CHST12: variants seen among roughly 807,000 people sequenced by gnomAD.
CHST12 encodes carbohydrate (chondroitin 4) sulfotransferase 12.
In CHST12, 23 loss-of-function variants were observed where a neutral mutation model predicts 27.9. That is an observed-to-expected ratio of 0.82 (90% CI 0.59 to 1.17). The LOEUF (loss-of-function observed/expected upper bound fraction) is 1.17. Among genes scored for constraint, CHST12 ranks in the 50% most tolerant of loss-of-function variants. The probability of loss-of-function intolerance (pLI) is 0.00; values close to 1 mark genes in which losing one functional copy is unlikely to be tolerated. For synonymous variants in CHST12, 322 were observed against 273.0 expected (o/e 1.18, Z -1.77); for missense variants, 682 against 603.0 (o/e 1.13, Z -1.37).
chr7:2,422,826 G>A (rs974200820), intron 1 of CHST12, among the ~76,000 whole-genome samples: 2 of 151,148 alleles, frequency 1.3e-5, no homozygotes, highest in African/African-American at 2.4e-5. Flanking sequence ...GAGCCACTGC[G>A]TGCAGCCCTG....
At chr7:2,423,977 G>A (rs886754457) in intron 1 of CHST12, among the ~76,000 whole-genome samples, 1 of 152,148 alleles carries the variant, frequency 6.6e-6, no homozygotes, top group African/African-American at 2.4e-5. Context: ...TGAGGTGCCT[G>A]GGAGGTCGAG....
At position 2,438,676 on chromosome 7, in the gene CHST12, G is replaced by A. The variant is rs1391702591; in HGVS notation, c.*4792G>A. On this transcript the variant is annotated 3_prime_UTR_variant, in exon 2 of 2. Transcript: ENST00000618655. ...AAGTCTTTAAACGTTTCTCCCGAGTGTTGGAGTGACTGTTTGCACACATCT... is the reference window on the plus strand; with the variant it reads ...AAGTCTTTAAACGTTTCTCCCGAGTATTGGAGTGACTGTTTGCACACATCT... 6.6e-6 allele frequency: 1 copy of A among 152,252 alleles called. No individual in the cohort carries two copies. Among genetic ancestry groups the A allele is most frequent in the African/African-American group, 2.4e-5 (1 of 41,464 alleles). 9.4% of individuals were successfully genotyped at this position (152,252 alleles called of 1,614,324 possible).
intron 1 of CHST12, among the ~76,000 whole-genome samples, chr7:2,408,747 C>T (rs1217626378): frequency 1.3e-5 from 2 of 152,138 alleles, no homozygotes; most frequent in African/African-American, 4.8e-5. Flanking sequence ...TGTAGTCTCC[C>T]CAGATGAGGC....
chr7:2,405,560 C>G (rs575101558), intron 1 of CHST12, among the ~76,000 whole-genome samples: 2 of 151,950 alleles, frequency 1.3e-5, no homozygotes, highest in South Asian at 2.1e-4. Context: ...GAAAAGTGGT[C>G]GTGGTGAGAA....
intron 1 of CHST12, among the ~76,000 whole-genome samples, chr7:2,417,324 A>G (rs1781837141): frequency 6.6e-6 from 1 of 150,594 alleles, no homozygotes; most frequent in South Asian, 2.1e-4. Context: ...TCCTGGGTTC[A>G]AGCAATTCTC....
At chr7:2,431,463 T>C (rs1274272352) in intron 1 of CHST12, among the ~76,000 whole-genome samples, 1 of 152,214 alleles carries the variant, frequency 6.6e-6, no homozygotes, top group Non-Finnish European at 1.5e-5. Context: ...GTTCAGCTCC[T>C]ACTGGGCCCT....
At chr7:2,406,052 A>C (rs1412245672) in intron 1 of CHST12, among the ~76,000 whole-genome samples, 5 of 152,146 alleles carry the variant, frequency 3.3e-5, no homozygotes, top group Admixed American at 6.5e-5. Context: ...AGGAGCCATC[A>C]GTGGGAAAAG....
At position 2,434,096 on chromosome 7, in the gene CHST12, T is replaced by G; in HGVS notation, c.*212T>G. Reference sequence around the variant, plus strand: ...GAATGCTGGAGTAAAATATCCCCTCTCCCCTCCGCCCGCCCACCCGCCCGC... The same window carrying G: ...GAATGCTGGAGTAAAATATCCCCTCGCCCCTCCGCCCGCCCACCCGCCCGC... On this transcript the variant is annotated 3_prime_UTR_variant, in exon 2 of 2. Coordinates refer to ENST00000618655, the MANE Select transcript of CHST12 (RefSeq NM_018641.5). 7.4e-6 allele frequency: 3 copies of G among 407,378 alleles called. No homozygotes were observed. The highest frequency in any genetic ancestry group is 7.0e-4 in the Middle Eastern group (1 of 1,422). 25.2% of individuals were successfully genotyped at this position (407,378 alleles called of 1,614,324 possible).
intron 1 of CHST12, among the ~76,000 whole-genome samples, chr7:2,424,860 A>C (rs1187837789): frequency 2.6e-5 from 4 of 152,180 alleles, no homozygotes; most frequent in Non-Finnish European, 5.9e-5. Flanking sequence ...AGAGCCTGCT[A>C]GAGCCTGTTG....
rs563249902 is a variant in CHST12, at chr7:2,443,481, G to A, written c.*9597G>A. 1 of 152,214 alleles carries A rather than the reference G, an allele frequency of 6.6e-6. No individual in the cohort carries two copies. The highest frequency in any genetic ancestry group is 6.5e-5 in the Admixed American group (1 of 15,286). 9.4% of individuals were successfully genotyped at this position (152,214 alleles called of 1,614,324 possible). On this transcript the variant is annotated 3_prime_UTR_variant, in exon 2 of 2. Transcript: ENST00000618655. Reference sequence around the variant, plus strand: ...TTGCCTCTCATGAAACCAGTCCCTGGTGCCAAAAAGGTTGGGGACCGCGGC... The same window carrying A: ...TTGCCTCTCATGAAACCAGTCCCTGATGCCAAAAAGGTTGGGGACCGCGGC...
chr7:2,439,469 T>C lies in CHST12; in HGVS notation c.*5585T>C, dbSNP rs1247936191. ...TTCTGTCATCCAGGCTGGAGTGCAG[T>C]GGTGTGATCATAGCTCACTGCAGCC... On this transcript the variant is annotated 3_prime_UTR_variant, in exon 2 of 2. Coordinates refer to ENST00000618655, the MANE Select transcript of CHST12 (RefSeq NM_018641.5). The C allele has an allele frequency of 6.6e-6, 1 of 151,622 alleles. No individual in the cohort carries two copies. Among genetic ancestry groups the C allele is most frequent in the African/African-American group, 2.4e-5 (1 of 41,326 alleles). 9.4% of individuals were successfully genotyped at this position (151,622 alleles called of 1,614,324 possible).
rs1782750061 is a variant in CHST12, at chr7:2,446,297, C to CCGGGGGA, written c.*12413_*12414insCGGGGGA. Reference sequence around the variant, plus strand: ...CAAATAGCTGAGCGCCAGCCGCAGTCTGGGGGACGGGAGCCTCGTGCGACT... The same window carrying CCGGGGGA: ...CAAATAGCTGAGCGCCAGCCGCAGTCCGGGGGATGGGGGACGGGAGCCTCGTGCGACT... On this transcript the variant is annotated 3_prime_UTR_variant, in exon 2 of 2. Transcript: ENST00000618655. 1.3e-5 allele frequency: 2 copies of CCGGGGGA among 152,742 alleles called. No homozygotes were observed. The highest frequency in any genetic ancestry group is 4.8e-5 in the African/African-American group (2 of 41,448). The allele number at this position is 152,742 out of a possible 1,614,324, so 9.5% of individuals were successfully genotyped here. A position where few individuals can be genotyped will look rare whatever the true frequency, so the allele number is the denominator to read the frequency against.
Position 2,433,155 on chromosome 7 carries a change from G to C in CHST12, c.516G>C (p.Lys172Asn). 6.2e-7 allele frequency: 1 copy of C among 1,612,956 alleles called. No individual in the cohort carries two copies. Among genetic ancestry groups the C allele is most frequent in the East Asian group, 2.2e-5 (1 of 44,848 alleles). ...GGGCCATCTACTGCTACGTGCCCAA[G>C]GTGGCCTGCACCAACTGGAAGCGCG... ...RHGAIYCYVP[K>N]VACTNWKRVM... The change falls in exon 2 of 2, where the codon AAG (lysine) becomes AAC (asparagine). Residue 172 changes from lysine (K) to asparagine (N), a missense_variant. By Grantham distance (94) the Lys-to-Asn change is moderately conservative (BLOSUM62 0). Coordinates refer to ENST00000618655, the MANE Select transcript of CHST12 (RefSeq NM_018641.5). This position sits in a 1 kb window ranked among gnomAD's most constrained non-coding sequence, Gnocchi z 6.1.
chr7:2,424,037 G>A (rs571722485), intron 1 of CHST12, among the ~76,000 whole-genome samples: 1 of 152,270 alleles, frequency 6.6e-6, no homozygotes, highest in East Asian at 1.9e-4. Flanking sequence ...GGGCAACAGC[G>A]CAAGACTGTA....
rs568834504 is a variant in CHST12 at position 2,443,182 on chromosome 7, A to C, written c.*9298A>C. ...AGTGGTGCAATCTCAGCTCACTGCAACCTCTGCCTTCTGGGTTCAAGCCAT... is the reference window on the plus strand; with the variant it reads ...AGTGGTGCAATCTCAGCTCACTGCACCCTCTGCCTTCTGGGTTCAAGCCAT... On this transcript the variant is annotated 3_prime_UTR_variant, in exon 2 of 2. Coordinates refer to ENST00000618655, the MANE Select transcript of CHST12 (RefSeq NM_018641.5). The C allele has an allele frequency of 2.0e-5, 3 of 152,268 alleles. No individual in the cohort carries two copies. The highest frequency in any genetic ancestry group is 2.9e-5 in the Non-Finnish European group (2 of 68,026). 9.4% of individuals were successfully genotyped at this position (152,268 alleles called of 1,614,324 possible).
At position 2,438,305 on chromosome 7, in the gene CHST12, C is replaced by T. The variant is rs1202093224; in HGVS notation, c.*4421C>T. The T allele has an allele frequency of 1.3e-5, 2 of 152,236 alleles. No homozygotes were observed. Among genetic ancestry groups the T allele is most frequent in the Non-Finnish European group, 2.9e-5 (2 of 68,062 alleles). 9.4% of individuals were successfully genotyped at this position (152,236 alleles called of 1,614,324 possible). On this transcript the variant is annotated 3_prime_UTR_variant, in exon 2 of 2. Coordinates refer to ENST00000618655, the MANE Select transcript of CHST12 (RefSeq NM_018641.5). ...GTCCCCAGAGTCTTCTCCCTAGAGT[C>T]TCTGAAAGGAAGCCTGGGTTCCTGG...
intron 1 of CHST12, among the ~76,000 whole-genome samples, chr7:2,420,078 A>G (rs1318267316): frequency 7.3e-6 from 1 of 136,960 alleles, no homozygotes; most frequent in African/African-American, 2.8e-5. Context: ...GGTTCATGCC[A>G]TTCTCCTGCC....
chr7:2,426,074 G>A (rs1369298031), intron 1 of CHST12, among the ~76,000 whole-genome samples: 1 of 152,192 alleles, frequency 6.6e-6, no homozygotes, highest in Non-Finnish European at 1.5e-5. Context: ...ATGGGAGTAG[G>A]TAGATGGGCA....
In CHST12 at chr7:2,433,094, C is replaced by G. The variant is rs1477486505; in HGVS notation, c.455C>G (p.Ser152Trp). ...CGCGCATTCGACGACATCCCCAACTCGGAGCTGAGCCACCTGATCGTGGAC... is the reference window on the plus strand; with the variant it reads ...CGCGCATTCGACGACATCCCCAACTGGGAGCTGAGCCACCTGATCGTGGAC... ...KERAFDDIPN[S>W]ELSHLIVDDR... The change falls in exon 2 of 2, where the codon TCG (serine) becomes TGG (tryptophan). Residue 152 changes from serine to tryptophan, a missense_variant. Physicochemically the swap from Ser to Trp is radical, Grantham distance 177. Coordinates refer to ENST00000618655, the MANE Select transcript of CHST12 (RefSeq NM_018641.5). The surrounding 1 kb of genome is among the most constrained non-coding windows in gnomAD (Gnocchi z 6.1). 6.2e-7 allele frequency: 1 copy of G among 1,612,576 alleles called. No individual in the cohort carries two copies. The highest frequency in any genetic ancestry group is 8.5e-7 in the Non-Finnish European group (1 of 1,179,644).
Sources: allele counts gnomAD v4.1 joint callset (sites outside exome capture counted in the v4.1 genomes callset), GRCh38; gene constraint gnomAD v4.1.1; non-coding constraint Gnocchi (gnomAD v3.1); transcripts MANE v1.5; gene names NCBI Gene and HGNC (gene_info 2026-07-23, HGNC 2026-07-21).